The following PKD1 variants were observed in gnomAD, a reference collection of about 807,000 sequenced individuals.
PKD1 encodes the protein polycystin 1, transient receptor potential channel interacting.
Under a neutral mutation model 361.7 loss-of-function variants are expected in PKD1, and 81 were observed. The ratio of observed to expected loss-of-function variants is 0.22; its 90% CI spans 0.19 to 0.27. PKD1 has a LOEUF of 0.27. Among genes scored for constraint, PKD1 ranks in the 10% least tolerant of loss-of-function variants. PKD1 has a pLI of 1.00. For synonymous variants in PKD1, 3,615 were observed against 2,818.3 expected (o/e 1.28, Z -8.95); for missense variants, 6,399 against 6,118.3 (o/e 1.05, Z -1.53).
At position 2,106,156 on chromosome 16, in the gene PKD1, G is replaced by C. The variant is rs1458240441; in HGVS notation, c.7638C>G (p.His2546Gln). 2.5e-6 allele frequency: 4 copies of C among 1,608,338 alleles called. No homozygotes were observed. The highest frequency in any genetic ancestry group is 1.1e-5 in the South Asian group (1 of 90,784). Reference sequence around the variant, plus strand: ...CCACCACGGCCAGGCCCACCTCGAAGTGTGGCCTGAAACCCGGGGGCAGCA... The same window carrying C: ...CCACCACGGCCAGGCCCACCTCGAACTGTGGCCTGAAACCCGGGGGCAGCA... ...GAVLPPGFRP[H>Q]FEVGLAVVVQ... The change falls in exon 19 of 46, where the codon CAC becomes CAG. Residue 2546 changes from histidine to glutamine, a missense_variant. Coordinates refer to ENST00000262304, the MANE Select transcript of PKD1 (RefSeq NM_001009944.3). This position sits in a 1 kb window ranked among gnomAD's most constrained non-coding sequence, Gnocchi z 6.5.
chr16:2,122,377 G>A (rs2092734566), intron 1 of PKD1, among the ~76,000 whole-genome samples: 1 of 152,222 alleles, frequency 6.6e-6, no homozygotes, highest in Non-Finnish European at 1.5e-5. Context: ...CTGGGGGCCA[G>A]GCACACAGGG....
rs780442316 is a variant in PKD1, at chr16:2,100,121, C to G, written c.9712+45G>C. On this transcript the variant is annotated intron_variant, in intron 28 of 45. Coordinates refer to ENST00000262304, the MANE Select transcript of PKD1 (RefSeq NM_001009944.3). The surrounding 1 kb of genome is among the most constrained non-coding windows in gnomAD (Gnocchi z 4.4). Reference sequence around the variant, plus strand: ...GCAGGAGGCCACGGGGCAGGACCACCCTGCCCAACCTCCCACGGAGTGGGA... The same window carrying G: ...GCAGGAGGCCACGGGGCAGGACCACGCTGCCCAACCTCCCACGGAGTGGGA... 10 of 1,604,286 alleles carry G rather than the reference C, an allele frequency of 6.2e-6. No individual in the cohort carries two copies. The highest frequency in any genetic ancestry group is 2.2e-5 in the East Asian group (1 of 44,758).
rs1184392488 is a variant in PKD1 at position 2,098,430 on chromosome 16, G to C, written c.10051-446C>G. Among the ~76,000 whole-genome samples, 730 of 149,332 alleles carry C rather than the reference G, an allele frequency of 4.9e-3. 6 individuals are homozygous for C. The highest frequency in any genetic ancestry group is 8.3e-3 in the Non-Finnish European group (562 of 67,330). Reference sequence around the variant, plus strand: ...TCACTGTGTTGGCCAGGCTGGTCTTGGAACTCCTGACCTCAAGTGATCTGC... The same window carrying C: ...TCACTGTGTTGGCCAGGCTGGTCTTCGAACTCCTGACCTCAAGTGATCTGC... On this transcript the variant is annotated intron_variant, in intron 30 of 45. Coordinates refer to ENST00000262304, the MANE Select transcript of PKD1 (RefSeq NM_001009944.3).
chr16:2,089,900 G>T lies in PKD1; in HGVS notation c.12739C>A (p.Gln4247Lys). Residue 4247 changes from glutamine (Q) to lysine (K), a missense_variant, in exon 46 of 46, where the codon CAA (glutamine) becomes AAA (lysine). Transcript: ENST00000262304. The stretch of plus-strand genomic sequence containing the variant: ...GGCGCCCGGCTGCTCCTGCGGCCTT[G>T]CAGGCTGTGCAGCTGCTGCTCCAGC... ...YQLEQQLHSL[Q>K]GRRSSRAPAG... 6.2e-7 allele frequency: 1 copy of T among 1,611,474 alleles called. No individual in the cohort carries two copies.
At position 2,114,183 on chromosome 16, in the gene PKD1, T is replaced by C. The variant is rs1427780165; in HGVS notation, c.2840A>G (p.Gln947Arg). 2.5e-6 allele frequency: 4 copies of C among 1,606,904 alleles called. No homozygotes were observed. In the African/African-American group the frequency reaches 4.0e-5, roughly 16 times the overall value. Residue 947 changes from glutamine (Q) to arginine (R), a missense_variant, in exon 11 of 46, where the codon CAG becomes CGG. Transcript: ENST00000262304. ...ATPSPEARVL[Q>R]GVLVRYSPVV... ...GGCCATACTCACCACTAGGACTCCCTGCAGTACACGGGCCTCGGGGCTGGG... is the reference window on the plus strand; with the variant it reads ...GGCCATACTCACCACTAGGACTCCCCGCAGTACACGGGCCTCGGGGCTGGG...
Position 2,115,547 on chromosome 16 carries a change from C to G in PKD1, c.1928G>C (p.Gly643Ala). The G allele has an allele frequency of 6.3e-7, 1 of 1,592,196 alleles. No individual in the cohort carries two copies. Among genetic ancestry groups the G allele is most frequent in the Non-Finnish European group, 8.6e-7 (1 of 1,168,374 alleles). Residue 643 changes from glycine (G) to alanine (A), a missense_variant, in exon 10 of 46, where the codon GGG (glycine) becomes GCG (alanine). Coordinates refer to ENST00000262304, the MANE Select transcript of PKD1 (RefSeq NM_001009944.3). The part of the protein sequence containing the change: ...RTQLAPACMP[G>A]GRWCPGANIC... Reference sequence around the variant, plus strand: ...GTTGGCTCCAGGGCACCAGCGTCCCCCTGGCATGCACGCGGGGGCCAGCTG... The same window carrying G: ...GTTGGCTCCAGGGCACCAGCGTCCCGCTGGCATGCACGCGGGGGCCAGCTG...
intron 8 of PKD1, among the ~76,000 whole-genome samples, 172 bp downstream of exon 8, chr16:2,116,354 GGTA>G (rs1316522948): frequency 1.3e-5 from 2 of 152,214 alleles, no homozygotes; most frequent in Non-Finnish European, 2.9e-5. Flanking sequence ...AAGGCCTGGA[GGTA>G]ATGTGAGTAA....
intron 39 of PKD1, 54 bp downstream of exon 39, chr16:2,092,426 G>A (rs1321155927): frequency 3.2e-6 from 4 of 1,266,778 alleles, no homozygotes; most frequent in Admixed American, 1.8e-5. Context: ...GCTAAAGGCT[G>A]CTCTCTCAAC....
chr16:2,105,820 G>C (rs2854570), intron 20 of PKD1, 45 bp downstream of exon 20: 1 of 1,573,692 alleles, frequency 6.4e-7, no homozygotes, highest in Admixed American at 1.7e-5. Flanking sequence ...TTGGTCCCAA[G>C]CACGCATGCA....
chr16:2,119,520 A>C lies in PKD1; in HGVS notation c.216-142T>G, dbSNP rs3874661. The C allele has an allele frequency of 2.7e-4, 189 of 706,772 alleles. 2 individuals carry two copies. In the East Asian group the frequency reaches 4.7e-3, roughly 17 times the overall value. The allele number at this position is 706,772 out of a possible 1,614,324, so 43.8% of individuals were successfully genotyped here. ...CCCCACTCCCAGAGGTCAGGAGGGG[A>C]CTTTCTGATGGAAGACCCAAATGAA... On this transcript the variant is annotated intron_variant, in intron 1 of 45. Transcript: ENST00000262304.
At position 2,125,526 on chromosome 16, in the gene PKD1, G is replaced by A. The variant is rs558760975; in HGVS notation, c.216-6148C>T. ...CATGGGCAGCCTCAGGTCCTCCCGG[G>A]ACCCACAGGCAGGCACAGGGATGGA... On this transcript the variant is annotated intron_variant, in intron 1 of 45. Coordinates refer to ENST00000262304, the MANE Select transcript of PKD1 (RefSeq NM_001009944.3). 2.2e-3 allele frequency among the ~76,000 whole-genome samples: 330 copies of A among 151,822 alleles called. 1 individual carries two copies. Among genetic ancestry groups the A allele is most frequent in the African/African-American group, 7.9e-3 (326 of 41,282 alleles).
rs768170972 is a variant in PKD1, at chr16:2,094,086, G to C, written c.10618+6C>G. On this transcript the variant is annotated splice_donor_region_variant and intron_variant, in intron 35 of 45. Transcript: ENST00000262304. ...CTAGGGGCATCCCGGGGCTACGCAA[G>C]CACACCTGTCCTGGACAGCCTCGCT... 2 of 1,589,088 alleles carry C rather than the reference G, an allele frequency of 1.3e-6. No homozygotes were observed. The highest frequency in any genetic ancestry group is 1.1e-5 in the South Asian group (1 of 88,388).
chr16:2,103,408 A>G lies in PKD1; in HGVS notation c.8649T>C (p.Ala2883=), dbSNP rs779125096. 2.5e-6 allele frequency: 4 copies of G among 1,599,600 alleles called. No homozygotes were observed. Among genetic ancestry groups the G allele is most frequent in the Non-Finnish European group, 1.7e-6 (2 of 1,179,650 alleles). The change falls in exon 23 of 46, where the codon GCT becomes GCC. Residue 2883 remains alanine (A), a synonymous_variant. Transcript: ENST00000262304. The part of the protein sequence containing the change: ...TVKVPNNSDW[A]ARGHRSSANS... The stretch of plus-strand genomic sequence containing the variant: ...TGGCGGAGCTGCGGTGGCCCCGGGC[A>G]GCCCAGTCCGAGTTGTTGGGCACCT...
At position 2,109,740 on chromosome 16, in the gene PKD1, G is replaced by A. The variant is rs780923748; in HGVS notation, c.5427C>T (p.Ala1809=). The change falls in exon 15 of 46, where the codon GCC becomes GCT. Residue 1809 remains alanine, a synonymous_variant. Transcript: ENST00000262304. ...CCACGAAGCTGCCTCCGGGCTCGCT[G>A]GCCCTGATGCTGAGGCCACTCACAG... ...QVPVSGLSIR[A]SEPGGSFVAA... is the part of the protein sequence containing the mutation. The A allele has an allele frequency of 4.4e-6, 7 of 1,608,792 alleles. No homozygotes were observed. In the African/African-American group the frequency reaches 6.7e-5, roughly 15 times the overall value.
rs750666594 is a variant in PKD1 at position 2,090,404 on chromosome 16, G to A, written c.12325C>T (p.Arg4109Cys). ...AGCTCTCCACGCAAGGCGTGGTAGCGCCAGCGGAGAATAACAGCCCCCAGC... is the reference window on the plus strand; with the variant it reads ...AGCTCTCCACGCAAGGCGTGGTAGCACCAGCGGAGAATAACAGCCCCCAGC... ...LRLGAVILRW[R>C]YHALRGELYR... The change falls in exon 45 of 46, where the codon CGC (arginine) becomes TGC (cysteine). Residue 4109 changes from arginine to cysteine, a missense_variant. Physicochemically the swap from Arg to Cys is radical, Grantham distance 180. Transcript: ENST00000262304. The A allele has an allele frequency of 1.1e-5, 18 of 1,612,656 alleles. No homozygotes were observed. The highest frequency in any genetic ancestry group is 1.5e-5 in the Non-Finnish European group (18 of 1,179,914).
At chr16:2,105,282 C>A (rs1330468271) in intron 21 of PKD1, 40 bp downstream of exon 21, 12 of 1,587,380 alleles carry the variant, frequency 7.6e-6, no homozygotes, top group South Asian at 1.1e-5. Flanking sequence ...AGTGCCCTGG[C>A]AGGCATGCGG....
rs1457655460 is a variant in PKD1, at chr16:2,092,033, C to G, written c.11411+14G>C. On this transcript the variant is annotated intron_variant, in intron 40 of 45. Transcript: ENST00000262304. ...GTCCTTGGCGTAGACGCCCGGGGCC[C>G]TCGCTCTGCTCACCCCAGCAGATCC... is the stretch of plus-strand genomic sequence containing the variant. The G allele has an allele frequency of 1.9e-6, 3 of 1,612,730 alleles. No homozygotes were observed. Among genetic ancestry groups the G allele is most frequent in the East Asian group, 2.2e-5 (1 of 44,874 alleles).
In PKD1 at chr16:2,110,367, G is replaced by A. The variant is rs760735675; in HGVS notation, c.4800C>T (p.Thr1600=). 3.7e-5 allele frequency: 60 copies of A among 1,612,514 alleles called. No homozygotes were observed. Among genetic ancestry groups the A allele is most frequent in the Non-Finnish European group, 4.8e-5 (57 of 1,179,858 alleles). ...TATTGAAGGTGCCCACGGAGCGGAA[G>A]GTGTAAGAGATGGTAGGACCCCCAG... The part of the protein sequence containing the change: ...PIPGGPTISY[T]FRSVGTFNII... The change falls in exon 15 of 46, where the codon ACC becomes ACT. Residue 1600 remains threonine, a synonymous_variant. Coordinates refer to ENST00000262304, the MANE Select transcript of PKD1 (RefSeq NM_001009944.3).
At position 2,089,766 on chromosome 16, in the gene PKD1, G is replaced by T; in HGVS notation, c.12873C>A (p.Pro4291=). 6.3e-7 allele frequency: 1 copy of T among 1,595,862 alleles called. No homozygotes were observed. Among genetic ancestry groups the T allele is most frequent in the Non-Finnish European group, 8.5e-7 (1 of 1,172,816 alleles). Residue 4291 remains proline, a synonymous_variant, in exon 46 of 46, where the codon CCC becomes CCA. Coordinates refer to ENST00000262304, the MANE Select transcript of PKD1 (RefSeq NM_001009944.3). ...VDLATGPSRT[P]LRAKNKVHPS... ...GGTGGACCTTGTTCTTGGCCCGAAG[G>T]GGTGTCCTGCTGGGGCCAGTGGCCA...
Sources: gnomAD v4.1 joint callset for allele counts (sites outside exome capture counted in the v4.1 genomes callset) on GRCh38, gnomAD v4.1.1 for gene constraint, Gnocchi (gnomAD v3.1) non-coding constraint, MANE v1.5 for transcripts, NCBI Gene and HGNC (gene_info 2026-07-23, HGNC 2026-07-21) for gene names.